Variants in C11orf65 observed in about 807,000 individuals in gnomAD.
The protein encoded by C11orf65 is protein MFI.
C11orf65 carries 38 observed loss-of-function variants against 35.3 expected under a neutral mutation model. The observed-to-expected ratio is 1.08, with a 90% CI of 0.83 to 1.41. C11orf65 has a LOEUF of 1.41. C11orf65 is among the 40% of genes most tolerant of loss of function. The pLI is 0.00. For synonymous variants in C11orf65, 105 were observed against 114.4 expected (o/e 0.92, Z 0.53); for missense variants, 370 against 367.1 (o/e 1.01, Z -0.06).
At chr11:108,450,399 A>T (rs1256792974) in intron 2 of C11orf65, among the ~76,000 whole-genome samples, 1 of 151,836 alleles carries the variant, frequency 6.6e-6, no homozygotes, top group Non-Finnish European at 1.5e-5. Flanking sequence ...GATAGACTGG[A>T]TTAAGAAAAT....
intron 2 of C11orf65, among the ~76,000 whole-genome samples, chr11:108,445,517 G>A (rs1173029702): frequency 1.3e-5 from 2 of 152,156 alleles, no homozygotes; most frequent in African/African-American, 2.4e-5. Context: ...AACAGGGTCT[G>A]GAGTGGACCT....
At chr11:108,434,829 C>T (rs889921935) in intron 2 of C11orf65, among the ~76,000 whole-genome samples, 2 of 152,344 alleles carry the variant, frequency 1.3e-5, no homozygotes, top group Non-Finnish European at 2.9e-5. Flanking sequence ...TGGTATTCCA[C>T]ACAGCATTGC....
chr11:108,359,838 A>G (rs904480955), intron 2 of C11orf65, among the ~76,000 whole-genome samples: 1 of 152,208 alleles, frequency 6.6e-6, no homozygotes, highest in Non-Finnish European at 1.5e-5. Flanking sequence ...CCCACAAGAG[A>G]AAGCAGGAAA....
At chr11:108,398,500 T>A (rs1002440901) in intron 6 of C11orf65, among the ~76,000 whole-genome samples, 3 of 152,188 alleles carry the variant, frequency 2.0e-5, no homozygotes, top group Non-Finnish European at 2.9e-5. Context: ...GATATAGAAA[T>A]GCCCACATAA....
At chr11:108,322,236 T>C (rs2085287694) in intron 6 of C11orf65, among the ~76,000 whole-genome samples, 1 of 151,962 alleles carries the variant, frequency 6.6e-6, no homozygotes, top group Admixed American at 6.6e-5. Flanking sequence ...CTCACTGCAG[T>C]CTCCACCTCC....
chr11:108,330,263 C>T (rs755418571), downstream of C11orf65: 26 of 1,614,000 alleles, frequency 1.6e-5, no homozygotes, highest in East Asian at 2.2e-5. Context: ...ATTAGCCCTG[C>T]GTGCACTGAA....
intron 2 of C11orf65, among the ~76,000 whole-genome samples, chr11:108,433,614 A>AAAACAAAAC (rs1334501137): frequency 1.9e-5 from 2 of 106,762 alleles, no homozygotes; most frequent in Non-Finnish European, 4.4e-5. Flanking sequence ...CAAAACAAAA[A>AAAACAAAAC]AAGTACCAAA....
chr11:108,336,641 A>C (rs2030872507), intron 2 of C11orf65, among the ~76,000 whole-genome samples: 1 of 152,232 alleles, frequency 6.6e-6, no homozygotes, highest in Non-Finnish European at 1.5e-5. Context: ...TTGAACATAC[A>C]AATTTCATAC....
At chr11:108,395,782 G>A (rs1177690007) in intron 6 of C11orf65, among the ~76,000 whole-genome samples, 28 of 151,126 alleles carry the variant, frequency 1.9e-4, no homozygotes, top group African/African-American at 6.6e-4. Flanking sequence ...CACCACGCCT[G>A]GCTAATTTTT....
At chr11:108,322,048 ACTG>A (rs2085273107) in intron 6 of C11orf65, among the ~76,000 whole-genome samples, 1 of 152,194 alleles carries the variant, frequency 6.6e-6, no homozygotes, top group Admixed American at 6.5e-5. Flanking sequence ...ACATTGTATT[ACTG>A]TCATTTTATC....
At chr11:108,346,313 A>C (rs2088386541) in intron 2 of C11orf65, among the ~76,000 whole-genome samples, 1 of 152,040 alleles carries the variant, frequency 6.6e-6, no homozygotes. Flanking sequence ...TCACCTAGTG[A>C]TTAATACTTT....
In C11orf65 at chr11:108,341,945, G is replaced by T. The variant is rs73545024; in HGVS notation, c.227-6653C>A. Among the ~76,000 whole-genome samples the T allele has an allele frequency of 9.0e-3, 1,366 of 152,254 alleles. 19 individuals carry two copies. The highest frequency in any genetic ancestry group is 0.031 in the African/African-American group (1,289 of 41,542). On this transcript the variant is annotated intron_variant, in intron 2 of 3. Transcript: ENST00000524755. ...TTAACCGAGGTGAAGATGTATCTCT[G>T]GCTCAGCTGTTAAATTCCTGGGTAT...
At position 108,354,878 on chromosome 11, in the gene C11orf65, A is replaced by C. The variant is rs587782335; in HGVS notation, c.227-19586T>G. The C allele has an allele frequency of 3.4e-5, 54 of 1,610,208 alleles. No individual in the cohort carries two copies. The highest frequency in any genetic ancestry group is 4.6e-5 in the Non-Finnish European group (54 of 1,176,566). On this transcript the variant is annotated intron_variant, in intron 2 of 3. Transcript: ENST00000524755. ...AACTCTGTTAACCATTGTAGAGGTA[A>C]AGTATTTTATAAGGAAGACTTTATT... is the stretch of plus-strand genomic sequence containing the variant.
intron 2 of C11orf65, among the ~76,000 whole-genome samples, chr11:108,448,762 T>C (rs554845607): frequency 1.3e-5 from 2 of 152,170 alleles, no homozygotes; most frequent in Admixed American, 6.6e-5. Flanking sequence ...CTATTCAGCA[T>C]AGTGTTGGAA....
intron 7 of C11orf65, among the ~76,000 whole-genome samples, chr11:108,391,670 C>A (rs227056): frequency 6.6e-6 from 1 of 151,602 alleles, no homozygotes; most frequent in East Asian, 2.0e-4. Flanking sequence ...TGAGCCACCA[C>A]GCCTGGCCCA....
rs1203037698 is a variant in C11orf65, at chr11:108,343,343, G to A, written c.227-8051C>T. The A allele has an allele frequency of 6.2e-7, 1 of 1,613,908 alleles. No homozygotes were observed. The highest frequency in any genetic ancestry group is 8.5e-7 in the Non-Finnish European group (1 of 1,179,854). On this transcript the variant is annotated intron_variant, in intron 2 of 3. Coordinates refer to the C11orf65 transcript ENST00000524755. ...AAAAGATACAGGCCAAATGATTTCA[G>A]TGCCTTTCAGTGCCAAAAGAAAATG...
chr11:108,381,633 A>G (rs1413647012), downstream of C11orf65, among the ~76,000 whole-genome samples: 1 of 152,036 alleles, frequency 6.6e-6, no homozygotes, highest in Non-Finnish European at 1.5e-5. Flanking sequence ...CTAATTCTCT[A>G]ATTTCTAATT....
chr11:108,356,428 C>T (rs1013248799), intron 2 of C11orf65, among the ~76,000 whole-genome samples: 2 of 151,374 alleles, frequency 1.3e-5, no homozygotes, highest in East Asian at 1.9e-4. Context: ...CCCAGCTACT[C>T]AGGAGGCTGA....
chr11:108,420,344 G>A (rs1565673278), intron 3 of C11orf65, among the ~76,000 whole-genome samples: 1 of 152,142 alleles, frequency 6.6e-6, no homozygotes, highest in Non-Finnish European at 1.5e-5. Flanking sequence ...GAAAGGGGAG[G>A]GAAGAAGAAC....
Sources: gnomAD v4.1 joint callset for allele counts (sites outside exome capture counted in the v4.1 genomes callset) on GRCh38, gnomAD v4.1.1 for gene constraint, MANE v1.5 for transcripts, NCBI Gene and HGNC (gene_info 2026-07-23, HGNC 2026-07-21) for gene names.